Variants in CAPN9 observed in about 807,000 individuals in gnomAD.
CAPN9 encodes calpain-9.
CAPN9 carries 81 observed loss-of-function variants against 92.8 expected under a neutral mutation model. The observed-to-expected ratio is 0.87, with a 90% CI of 0.73 to 1.05. The LOEUF is 1.05. Among genes scored for constraint, CAPN9 ranks in the 50% least tolerant of loss-of-function variants. The pLI, the probability that CAPN9 is intolerant of heterozygous loss-of-function variation, is 0.00. For missense variants in CAPN9, 848 were observed against 866.2 expected, an observed-to-expected ratio of 0.98 and a Z score of 0.26; for synonymous variants, 304 against 328.0, an observed-to-expected ratio of 0.93 and a Z score of 0.79.
At position 230,780,411 on chromosome 1, in the gene CAPN9, C is replaced by T. The variant is rs563478296; in HGVS notation, c.1272+75C>T. 3.1e-6 allele frequency: 5 copies of T among 1,594,634 alleles called. No homozygotes were observed. In the South Asian group the frequency reaches 4.4e-5, roughly 14 times the overall value. On this transcript the variant is annotated intron_variant, in intron 10 of 19. Transcript: ENST00000271971. ...TTCGCGGCTCCTCCTCGGTCTCACA[C>T]CCGAGACTCAACCAAGAGTCCATGA...
rs184973760 is a variant in CAPN9, at chr1:230,763,937, C to A, written c.536+1151C>A. On this transcript the variant is annotated intron_variant, in intron 4 of 19. Coordinates refer to ENST00000271971, the MANE Select transcript of CAPN9 (RefSeq NM_006615.3). ...GGTGGGACCCAAGCCCACCTCTGCC[C>A]CTTGGTGAGTGCCCCCCACATCAGG... Among the ~76,000 whole-genome samples, 4 of 152,312 alleles carry A rather than the reference C, an allele frequency of 2.6e-5. No individual in the cohort carries two copies. The East Asian group carries it at 7.7e-4, about 29-fold the overall frequency.
chr1:230,796,327 A>AATATAAAT (rs1668352889), intron 18 of CAPN9, among the ~76,000 whole-genome samples: 1 of 127,580 alleles, frequency 7.8e-6, no homozygotes, highest in South Asian at 3.1e-4. Flanking sequence ...CCATCTCAAA[A>AATATAAAT]ATATAAATAA....
At chr1:230,800,719 G>A (rs1668677920) in intron 19 of CAPN9, among the ~76,000 whole-genome samples, 1 of 152,166 alleles carries the variant, frequency 6.6e-6, no homozygotes, top group Admixed American at 6.5e-5. Context: ...TGATACCCCA[G>A]CCACTCCCTA....
intron 1 of CAPN9, among the ~76,000 whole-genome samples, chr1:230,749,982 C>T (rs571265147): frequency 5.3e-5 from 8 of 152,294 alleles, no homozygotes; most frequent in East Asian, 1.9e-4. Context: ...AAAAGCTGGA[C>T]GCACAAACCA....
intron 13 of CAPN9, among the ~76,000 whole-genome samples, chr1:230,788,050 G>T (rs1169658058): frequency 1.3e-5 from 2 of 152,084 alleles, no homozygotes; most frequent in African/African-American, 4.8e-5. Flanking sequence ...AAAGAGTCTT[G>T]CTATGTTGCC....
intron 3 of CAPN9, 134 bp from the exon 4 acceptor site, chr1:230,762,519 T>G: frequency 1.0e-6 from 1 of 990,992 alleles, no homozygotes; most frequent in Non-Finnish European, 1.5e-6. Flanking sequence ...TTGGAACCCG[T>G]GTGTGATTTT....
At position 230,801,714 on chromosome 1, in the gene CAPN9, G is replaced by A. The variant is rs916246699; in HGVS notation, c.*118G>A. On this transcript the variant is annotated 3_prime_UTR_variant, in exon 20 of 20. Transcript: ENST00000271971. The stretch of plus-strand genomic sequence containing the variant: ...AGGGTTCACTCCCCTCTCATCGTCC[G>A]GCCTTCTCCCTTCATCTTGATCTGG... The A allele has an allele frequency of 2.8e-5, 25 of 898,632 alleles. No individual in the cohort carries two copies. The highest frequency in any genetic ancestry group is 2.1e-4 in the Middle Eastern group (1 of 4,710). 55.7% of individuals were successfully genotyped at this position (898,632 alleles called of 1,614,324 possible). A position where few individuals can be genotyped will look rare whatever the true frequency, so the allele number is the denominator to read the frequency against.
At chr1:230,774,844 T>C (rs968379534) in intron 8 of CAPN9, among the ~76,000 whole-genome samples, 2 of 150,762 alleles carry the variant, frequency 1.3e-5, no homozygotes, top group Admixed American at 1.3e-4. Flanking sequence ...CAGGTTCAAG[T>C]GATACTCCTG....
chr1:230,770,357 C>G (rs936163535), intron 6 of CAPN9, among the ~76,000 whole-genome samples: 1 of 152,134 alleles, frequency 6.6e-6, no homozygotes, highest in Non-Finnish European at 1.5e-5. Flanking sequence ...CTGGTCAGGT[C>G]TTCACAGATG....
chr1:230,756,040 C>T (rs566799943), intron 2 of CAPN9, among the ~76,000 whole-genome samples: 9 of 152,278 alleles, frequency 5.9e-5, no homozygotes, highest in African/African-American at 2.2e-4. Flanking sequence ...CTGGGTTTAC[C>T]TTTGTTCTAT....
In CAPN9 at chr1:230,774,744, T is replaced by TTCTTTCTTTCTTTC. The variant is rs1558100247; in HGVS notation, c.953+114_953+115insCTTTCTTTCTTTCT. The TTCTTTCTTTCTTTC allele has an allele frequency of 1.9e-5, 11 of 578,424 alleles. No individual in the cohort carries two copies. The African/African-American group carries it at 2.2e-4, about 11-fold the overall frequency. 35.8% of individuals were successfully genotyped at this position (578,424 alleles called of 1,614,324 possible). On this transcript the variant is annotated intron_variant, in intron 8 of 19. Coordinates refer to ENST00000271971, the MANE Select transcript of CAPN9 (RefSeq NM_006615.3). ...TCCTTTTTCTTTCTTTCTTTCTTTT[T>TTCTTTCTTTCTTTC]TTTTTTTTTTTTTTGAGACGGAGTT...
intron 9 of CAPN9, 122 bp downstream of exon 9, chr1:230,779,255 C>A: frequency 1.1e-6 from 1 of 899,150 alleles, no homozygotes; most frequent in Non-Finnish European, 1.7e-6. Context: ...TCAAAAGTGA[C>A]TGGGGAAAAA....
At position 230,751,791 on chromosome 1, in the gene CAPN9, C is replaced by A. The variant is rs895965078; in HGVS notation, c.214-3546C>A. ...AGGTAAACAGAACAGTCCCTGAAAG[C>A]AAACATTCCAGGGTGCTTGGCCCTT... is the stretch of plus-strand genomic sequence containing the variant. On this transcript the variant is annotated intron_variant, in intron 1 of 19. Transcript: ENST00000271971. Among the ~76,000 whole-genome samples the A allele has an allele frequency of 2.8e-5, 4 of 142,382 alleles. 1 individual carries two copies. The South Asian group carries it at 8.9e-4, about 32-fold the overall frequency. The allele number at this position is 142,382 out of a possible 152,430, so 93.4% of individuals were successfully genotyped here.
At chr1:230,772,467 T>TTA (rs67907794) in intron 7 of CAPN9, among the ~76,000 whole-genome samples, 8,385 of 151,628 alleles carry the variant, frequency 0.055, 267 homozygotes, top group South Asian at 0.13. Context: ...GCGTGTGTGT[T>TTA]TGTGTGTGTG....
At chr1:230,769,035 G>A (rs934524114) in intron 5 of CAPN9, 145 bp from the exon 6 acceptor site, 11 of 659,262 alleles carry the variant, frequency 1.7e-5, no homozygotes, top group South Asian at 1.7e-4. Context: ...GGGGAGCCCC[G>A]TGCATAGCCC....
intron 7 of CAPN9, among the ~76,000 whole-genome samples, chr1:230,774,289 A>G (rs16852647): frequency 0.032 from 4,848 of 152,312 alleles, 256 homozygotes; most frequent in African/African-American, 0.11. Context: ...ATCCCAAGAT[A>G]ATCTTCCATG....
intron 16 of CAPN9, 21 bp downstream of exon 16, chr1:230,792,515 C>T (rs770096921): frequency 4.3e-5 from 69 of 1,600,878 alleles, no homozygotes; most frequent in Non-Finnish European, 5.6e-5. Flanking sequence ...TGGAGCAGGG[C>T]TTGGCCTCTG....
chr1:230,752,720 G>A (rs1572008749), intron 1 of CAPN9: 2 of 984,926 alleles, frequency 2.0e-6, no homozygotes, highest in African/African-American at 1.7e-5. Context: ...CACTTGAGGA[G>A]TGAGTAGCAT....
At chr1:230,779,775 C>G (rs2102894933) in intron 9 of CAPN9, among the ~76,000 whole-genome samples, 1 of 152,274 alleles carries the variant, frequency 6.6e-6, no homozygotes, top group Non-Finnish European at 1.5e-5. Context: ...GAGGTCAATC[C>G]TACTCAAACG....
Sources: gnomAD v4.1 joint callset for allele counts (sites outside exome capture counted in the v4.1 genomes callset) on GRCh38, gnomAD v4.1.1 for gene constraint, MANE v1.5 for transcripts, NCBI Gene and HGNC (gene_info 2026-07-23, HGNC 2026-07-21) for gene names.